Variants in SYNRG observed in about 807,000 individuals in gnomAD.
SYNRG encodes the protein synergin gamma.
In SYNRG, 37 loss-of-function variants were observed where a neutral mutation model predicts 130.9. The ratio of observed to expected loss-of-function variants is 0.28; its 90% CI spans 0.22 to 0.37. SYNRG has a LOEUF of 0.37. Ranked by LOEUF, SYNRG falls within the 10% of genes least tolerant of loss-of-function variation. SYNRG has a pLI of 1.00. For missense variants in SYNRG, 1,338 were observed against 1,588.9 expected (o/e 0.84, Z 2.68); for synonymous variants, 539 against 568.1 (o/e 0.95, Z 0.73).
Position 37,592,447 on chromosome 17 carries a change from T to C in SYNRG, c.240+3776A>G, listed in dbSNP as rs901400773. On this transcript the variant is annotated intron_variant, in intron 3 of 21. Coordinates refer to ENST00000612223, the MANE Select transcript of SYNRG (RefSeq NM_007247.6). ...CCCAGTAATTGCACTCTTGGGCGTTTATCCCAAGAAATGAGGACATATGTT... is the reference window on the plus strand; with the variant it reads ...CCCAGTAATTGCACTCTTGGGCGTTCATCCCAAGAAATGAGGACATATGTT... Among the ~76,000 whole-genome samples the C allele has an allele frequency of 2.0e-5, 3 of 152,356 alleles. No individual in the cohort carries two copies. In the South Asian group the frequency reaches 6.2e-4, roughly 32 times the overall value.
At chr17:37,519,415 A>G (rs993541154) in intron 21 of SYNRG, among the ~76,000 whole-genome samples, 3 of 152,218 alleles carry the variant, frequency 2.0e-5, no homozygotes, top group African/African-American at 7.2e-5. Context: ...ACTGTGCTGA[A>G]GGAAGCCCTC....
chr17:37,595,221 G>A (rs970256517), intron 3 of SYNRG, among the ~76,000 whole-genome samples: 1 of 152,102 alleles, frequency 6.6e-6, no homozygotes, highest in Non-Finnish European at 1.5e-5. Context: ...AGCTTTATTT[G>A]CATAATCGAC....
intron 13 of SYNRG, among the ~76,000 whole-genome samples, chr17:37,556,508 T>C (rs1313270293): frequency 2.0e-5 from 3 of 150,766 alleles, no homozygotes; most frequent in Non-Finnish European, 4.4e-5. Context: ...TAAAATATAC[T>C]GTGCTTGTAA....
At chr17:37,531,736 G>A (rs2056652401) in intron 19 of SYNRG, among the ~76,000 whole-genome samples, 1 of 151,680 alleles carries the variant, frequency 6.6e-6, no homozygotes, top group Non-Finnish European at 1.5e-5. Flanking sequence ...CTGTGATCAC[G>A]TCATTGTGCT....
In SYNRG at chr17:37,577,371, C is replaced by T. The variant is rs761437498; in HGVS notation, c.823+9G>A. ...AACAAGTTTTTTGCTGAATGCTTCA[C>T]GAGCTCACCACTCTCTTCAATTGAC... On this transcript the variant is annotated intron_variant, in intron 7 of 21. Transcript: ENST00000612223. 1.1e-5 allele frequency: 17 copies of T among 1,612,848 alleles called. No individual in the cohort carries two copies. The highest frequency in any genetic ancestry group is 2.7e-5 in the African/African-American group (2 of 74,896).
At chr17:37,603,260 T>A (rs1372120479) in intron 1 of SYNRG, among the ~76,000 whole-genome samples, 1 of 152,124 alleles carries the variant, frequency 6.6e-6, no homozygotes, top group Non-Finnish European at 1.5e-5. Flanking sequence ...TCCCAGCACT[T>A]TGGGGGGCCA....
chr17:37,525,903 T>C (rs752792975), intron 19 of SYNRG, among the ~76,000 whole-genome samples: 2 of 151,514 alleles, frequency 1.3e-5, no homozygotes, highest in Admixed American at 6.6e-5. Context: ...GAGGTGGAGG[T>C]TGAAGTGAGC....
chr17:37,548,771 T>TG (rs2058476142), intron 14 of SYNRG, among the ~76,000 whole-genome samples: 2 of 142,272 alleles, frequency 1.4e-5, no homozygotes, highest in Non-Finnish European at 3.0e-5. Context: ...TGAGCCGAGA[T>TG]CCAAGATTGC....
chr17:37,529,221 G>A (rs1021624372), intron 19 of SYNRG, among the ~76,000 whole-genome samples: 3 of 152,162 alleles, frequency 2.0e-5, no homozygotes, highest in Non-Finnish European at 2.9e-5. Flanking sequence ...AAGCGCCACC[G>A]TATGTGAACA....
At chr17:37,524,768 T>C (rs1023730085) in intron 19 of SYNRG, among the ~76,000 whole-genome samples, 3 of 152,232 alleles carry the variant, frequency 2.0e-5, no homozygotes, top group African/African-American at 7.2e-5. Flanking sequence ...AAGTGAAAAG[T>C]AGTCTATATG....
chr17:37,605,764 A>T (rs182976489), intron 1 of SYNRG: 1 of 969,910 alleles, frequency 1.0e-6, no homozygotes, highest in Admixed American at 6.2e-5. Context: ...TCAAAGGTAA[A>T]ACCACTAATT....
At chr17:37,558,560 A>C (rs1226596800) in intron 13 of SYNRG, among the ~76,000 whole-genome samples, 1 of 152,192 alleles carries the variant, frequency 6.6e-6, no homozygotes, top group Non-Finnish European at 1.5e-5. Flanking sequence ...TGATCATTTT[A>C]TATTCCCTTG....
At chr17:37,586,383 T>C (rs2061690165) in intron 4 of SYNRG, 36 bp downstream of exon 4, 1 of 1,612,066 alleles carries the variant, frequency 6.2e-7, no homozygotes, top group Non-Finnish European at 8.5e-7. Flanking sequence ...TGCTATAATG[T>C]ATCTTTGTTA....
At position 37,565,213 on chromosome 17, in the gene SYNRG, G is replaced by A. The variant is rs144176722; in HGVS notation, c.1481+3578C>T. Reference sequence around the variant, plus strand: ...TGGGAGGCAGAAGTTGCAGTGAGCCGAGATCGCGCAACTGCACTTTAGCCT... The same window carrying A: ...TGGGAGGCAGAAGTTGCAGTGAGCCAAGATCGCGCAACTGCACTTTAGCCT... On this transcript the variant is annotated intron_variant, in intron 11 of 21. Coordinates refer to ENST00000612223, the MANE Select transcript of SYNRG (RefSeq NM_007247.6). Among the ~76,000 whole-genome samples the A allele has an allele frequency of 1.2e-4, 19 of 152,066 alleles. No individual in the cohort carries two copies. In the East Asian group the frequency reaches 2.7e-3, roughly 22 times the overall value.
intron 20 of SYNRG, 61 bp downstream of exon 20, chr17:37,520,477 G>C (rs2054863779): frequency 6.7e-7 from 1 of 1,498,334 alleles, no homozygotes; most frequent in South Asian, 1.1e-5. Flanking sequence ...GGCCAGATGA[G>C]GTTGTCCAGA....
rs973886480 is a variant in SYNRG, at chr17:37,541,343, G to A, written c.3202+629C>T. On this transcript the variant is annotated intron_variant, in intron 15 of 21. Coordinates refer to ENST00000612223, the MANE Select transcript of SYNRG (RefSeq NM_007247.6). ...TAAAGTGAACAACTTAAGTAGGTCCGCTGAGACAGGAAGCGGTGGGGATTA... is the reference window on the plus strand; with the variant it reads ...TAAAGTGAACAACTTAAGTAGGTCCACTGAGACAGGAAGCGGTGGGGATTA... The A allele has an allele frequency of 1.5e-5, 11 of 736,464 alleles. No individual in the cohort carries two copies. In the African/African-American group the frequency reaches 1.5e-4, roughly 10 times the overall value. The allele number at this position is 736,464 out of a possible 1,614,324, so 45.6% of individuals were successfully genotyped here.
At position 37,535,831 on chromosome 17, in the gene SYNRG, A is replaced by G. The variant is rs548718933; in HGVS notation, c.3666+148T>C. ...CCCACCTGGTACTGTTCAACTGACCACACACCTGTGATCTCCCTCCTTTAA... is the reference window on the plus strand; with the variant it reads ...CCCACCTGGTACTGTTCAACTGACCGCACACCTGTGATCTCCCTCCTTTAA... On this transcript the variant is annotated intron_variant, in intron 19 of 21. Transcript: ENST00000612223. The G allele has an allele frequency of 8.2e-6, 9 of 1,098,838 alleles. No individual in the cohort carries two copies. In the African/African-American group the frequency reaches 1.4e-4, roughly 17 times the overall value. 68.1% of individuals were successfully genotyped at this position (1,098,838 alleles called of 1,614,324 possible). A position where few individuals can be genotyped will look rare whatever the true frequency, so the allele number is the denominator to read the frequency against.
chr17:37,541,658 A>C, intron 15 of SYNRG: 1 of 388,570 alleles, frequency 2.6e-6, no homozygotes, highest in Non-Finnish European at 4.6e-6. Context: ...GAGCGGAGCT[A>C]ATGTGCCTAC....
Position 37,584,758 on chromosome 17 carries a change from G to C in SYNRG, c.479C>G (p.Thr160Arg). 6.2e-7 allele frequency: 1 copy of C among 1,606,180 alleles called. No individual in the cohort carries two copies. The highest frequency in any genetic ancestry group is 1.1e-5 in the South Asian group (1 of 90,574). ...LRLLSSVKPK[T>R]GEKSRDDALE... ...AGCATCATCTCTACTCTTCTCTCCTGTCTAAGAGACAACAAATATATGCGT... is the reference window on the plus strand; with the variant it reads ...AGCATCATCTCTACTCTTCTCTCCTCTCTAAGAGACAACAAATATATGCGT... Residue 160 changes from threonine (T) to arginine (R), a missense_variant and splice_region_variant, in exon 6 of 22, where the codon ACA becomes AGA. This residue lies in a region of SYNRG where 184 missense variants were observed against 217.2 expected (regional missense o/e 0.85). Coordinates refer to ENST00000612223, the MANE Select transcript of SYNRG (RefSeq NM_007247.6).
Sources: allele counts gnomAD v4.1 joint callset (sites outside exome capture counted in the v4.1 genomes callset), GRCh38; gene constraint gnomAD v4.1.1; regional missense constraint gnomAD v4.1.1; transcripts MANE v1.5; gene names NCBI Gene and HGNC (gene_info 2026-07-23, HGNC 2026-07-21).